Variants in AHSA1 observed in about 807,000 individuals in gnomAD.
AHSA1 encodes the protein activator of 90 kDa heat shock protein ATPase homolog 1.
In AHSA1, 14 loss-of-function variants were observed where a neutral mutation model predicts 46.1. The observed-to-expected ratio is 0.30, with a 90% CI of 0.20 to 0.47. The LOEUF is 0.47. Ranked by LOEUF, AHSA1 falls within the 20% of genes least tolerant of loss-of-function variation. The probability of loss-of-function intolerance (pLI) is 0.99; values close to 1 mark genes in which losing one functional copy is unlikely to be tolerated. For missense variants in AHSA1, 333 were observed against 415.9 expected (o/e 0.80, Z 1.73); for synonymous variants, 147 against 145.8 (o/e 1.01, Z -0.06).
Position 77,468,188 on chromosome 14 carries a change from A to G in AHSA1, c.792+4A>G. On this transcript the variant is annotated splice_donor_region_variant and intron_variant, in intron 7 of 8. Transcript: ENST00000216479. ...CTCTGGGGAATTTACTGATCTGGTG[A>G]GTACCTGCCGGCCCTAGACTCAGGT... 6.5e-7 allele frequency: 1 copy of G among 1,545,364 alleles called. No homozygotes were observed. The highest frequency in any genetic ancestry group is 8.8e-7 in the Non-Finnish European group (1 of 1,140,720).
chr14:77,465,500 A>G (rs759442135), intron 5 of AHSA1, 39 bp from the exon 6 acceptor site: 7 of 1,605,434 alleles, frequency 4.4e-6, no homozygotes, highest in African/African-American at 2.7e-5. Context: ...AGGTTGTATC[A>G]TTACTCTGTA....
intron 4 of AHSA1, among the ~76,000 whole-genome samples, chr14:77,463,775 C>G (rs2079036471): frequency 6.6e-6 from 1 of 152,156 alleles, no homozygotes; most frequent in Non-Finnish European, 1.5e-5. Flanking sequence ...CCCTGGGATT[C>G]CATTTCTGCC....
chr14:77,463,213 G>A (rs1457907919), intron 4 of AHSA1: 1 of 193,412 alleles, frequency 5.2e-6, no homozygotes, highest in African/African-American at 2.3e-5. Context: ...CCAGGAGGCA[G>A]GGAGGTTGCA....
intron 8 of AHSA1, 29 bp downstream of exon 8, chr14:77,468,537 C>T: frequency 6.3e-7 from 1 of 1,588,014 alleles, no homozygotes; most frequent in Non-Finnish European, 8.6e-7. Flanking sequence ...TGCCATTACC[C>T]CCAGAACTTT....
intron 1 of AHSA1, among the ~76,000 whole-genome samples, chr14:77,458,492 C>A (rs1395982884): frequency 2.0e-5 from 3 of 152,168 alleles, no homozygotes; most frequent in Non-Finnish European, 4.4e-5. Flanking sequence ...GGGCTGCGCC[C>A]CAGAGGAGGG....
chr14:77,462,612 T>C (rs983228581), intron 3 of AHSA1, 30 bp from the exon 4 acceptor site: 1 of 1,605,866 alleles, frequency 6.2e-7, no homozygotes, highest in African/African-American at 1.3e-5. Flanking sequence ...CCTCAAGTTA[T>C]TTACCACCTA....
chr14:77,459,282 G>T (rs1014330088), intron 1 of AHSA1, among the ~76,000 whole-genome samples: 1 of 152,178 alleles, frequency 6.6e-6, no homozygotes, highest in Non-Finnish European at 1.5e-5. Context: ...CTGTGTTCCT[G>T]ATCTCAGCAA....
intron 4 of AHSA1, 91 bp downstream of exon 4, chr14:77,462,850 A>T (rs989547415): frequency 2.8e-6 from 3 of 1,068,530 alleles, no homozygotes; most frequent in Non-Finnish European, 4.3e-6. Context: ...TCTTTGGCAA[A>T]TGGGTAAAGA....
chr14:77,463,953 T>C (rs2079037146), intron 4 of AHSA1, among the ~76,000 whole-genome samples: 1 of 152,252 alleles, frequency 6.6e-6, no homozygotes, highest in South Asian at 2.1e-4. Flanking sequence ...CATGCATCCA[T>C]AGGTGCTGGG....
At chr14:77,464,840 A>G (rs772028469) in intron 5 of AHSA1, 154 bp downstream of exon 5, 3 of 641,192 alleles carry the variant, frequency 4.7e-6, no homozygotes, top group Non-Finnish European at 8.1e-6. Context: ...TGCAATATGC[A>G]TTCATTCACC....
chr14:77,467,752 C>G (rs2139944181), intron 6 of AHSA1, among the ~76,000 whole-genome samples: 1 of 152,290 alleles, frequency 6.6e-6, no homozygotes, highest in Non-Finnish European at 1.5e-5. Context: ...GGGACATGTT[C>G]TCAGAAATGA....
intron 6 of AHSA1, among the ~76,000 whole-genome samples, chr14:77,467,014 T>C (rs945988841): frequency 1.3e-5 from 2 of 152,254 alleles, no homozygotes; most frequent in African/African-American, 2.4e-5. Flanking sequence ...CATGTATTCG[T>C]ATTACCTACT....
At chr14:77,467,695 AT>A (rs2079053454) in intron 6 of AHSA1, among the ~76,000 whole-genome samples, 1 of 127,622 alleles carries the variant, frequency 7.8e-6, no homozygotes, top group African/African-American at 2.5e-5. Context: ...CTCCGTCTCA[AT>A]AAATAAAAAA....
At position 77,468,629 on chromosome 14, in the gene AHSA1, C is replaced by T. The variant is rs760254; in HGVS notation, c.844+121C>T. On this transcript the variant is annotated intron_variant, in intron 8 of 8. Transcript: ENST00000216479. ...TCAGGCTAGAGTGCAGTGGCATAAT[C>T]ACAGCAAACTGCAGCCTTAACCTCC... is the stretch of plus-strand genomic sequence containing the variant. 7.2e-3 allele frequency: 6,199 copies of T among 860,926 alleles called. 298 individuals carry two copies. In the African/African-American group the frequency reaches 0.098, roughly 14 times the overall value. The allele number at this position is 860,926 out of a possible 1,614,324, so 53.3% of individuals were successfully genotyped here.
Position 77,468,124 on chromosome 14 carries a change from A to G in AHSA1, c.732A>G (p.Ala244=), listed in dbSNP as rs181032940. ...CCCATGCTCCTGCAACATTAGAAGC[A>G]GACAGAGGTGGAAAGTTCCACATGG... ...AFTHAPATLE[A]DRGGKFHMVD... is the part of the protein sequence containing the mutation. Residue 244 remains alanine (A), a synonymous_variant, in exon 7 of 9, where the codon GCA becomes GCG. Transcript: ENST00000216479. The G allele has an allele frequency of 1.2e-5, 18 of 1,559,158 alleles. No individual in the cohort carries two copies. The Admixed American group carries it at 2.1e-4, about 19-fold the overall frequency.
chr14:77,462,781 A>G, intron 4 of AHSA1, 22 bp downstream of exon 4: 1 of 1,598,662 alleles, frequency 6.3e-7, no homozygotes, highest in Non-Finnish European at 8.6e-7. Flanking sequence ...GTAGTTCTGT[A>G]TGCCTTAAGG....
chr14:77,460,298 G>T, intron 2 of AHSA1: 1 of 183,616 alleles, frequency 5.4e-6, no homozygotes. Flanking sequence ...AAAAAATTGA[G>T]GTCATGCGTA....
At chr14:77,468,739 T>TTTA in intron 8 of AHSA1, 2 of 476,130 alleles carry the variant, frequency 4.2e-6, no homozygotes, top group East Asian at 3.9e-5. Flanking sequence ...TTTTTTTTTT[T>TTTA]TTTTTTACTT....
In AHSA1 at chr14:77,469,135, C is replaced by T; in HGVS notation, c.903C>T (p.Cys301=). The T allele has an allele frequency of 6.2e-7, 1 of 1,614,194 alleles. No homozygotes were observed. The highest frequency in any genetic ancestry group is 1.1e-5 in the South Asian group (1 of 91,084). The part of the protein sequence containing the change: ...FIDKNGETEL[C]MEGRGIPAPE... ...ACAAGAACGGAGAGACTGAGCTGTG[C>T]ATGGAAGGTCGAGGCATCCCTGCTC... Residue 301 remains cysteine, a synonymous_variant, in exon 9 of 9, where the codon TGC becomes TGT. Transcript: ENST00000216479.
Sources: gnomAD v4.1 joint callset for allele counts (sites outside exome capture counted in the v4.1 genomes callset) on GRCh38, gnomAD v4.1.1 for gene constraint, MANE v1.5 for transcripts, NCBI Gene and HGNC (gene_info 2026-07-23, HGNC 2026-07-21) for gene names.